Variants in SAMD3 observed in about 807,000 individuals in gnomAD.
SAMD3 encodes sterile alpha motif domain-containing protein 3.
Under a neutral mutation model 58.5 loss-of-function variants are expected in SAMD3, and 63 were observed. That is an observed-to-expected ratio of 1.08 (90% CI 0.88 to 1.33). The LOEUF (loss-of-function observed/expected upper bound fraction) is 1.33. Ranked by LOEUF, SAMD3 falls within the 40% of genes most tolerant of loss-of-function variation. The pLI is 0.00. For synonymous variants in SAMD3, 220 were observed against 210.3 expected, an observed-to-expected ratio of 1.05 and a Z score of -0.40; for missense variants, 604 against 608.4, an observed-to-expected ratio of 0.99 and a Z score of 0.08.
At chr6:130,248,954 G>A (rs2114906429) in intron 2 of SAMD3, among the ~76,000 whole-genome samples, 1 of 152,298 alleles carries the variant, frequency 6.6e-6, no homozygotes, top group Admixed American at 6.5e-5. Flanking sequence ...TATCATCTGT[G>A]TTTGTCTCAC....
At chr6:130,307,741 A>G (rs1213157939) in intron 2 of SAMD3, among the ~76,000 whole-genome samples, 1 of 152,248 alleles carries the variant, frequency 6.6e-6, no homozygotes, top group Non-Finnish European at 1.5e-5. Context: ...AGCTTTGGTT[A>G]CAAAATGTAG....
intron 4 of SAMD3, among the ~76,000 whole-genome samples, chr6:130,213,000 G>A (rs1795696260): frequency 6.6e-6 from 1 of 152,160 alleles, no homozygotes; most frequent in Non-Finnish European, 1.5e-5. Context: ...AATTGGTTAG[G>A]GGCCGGGCAA....
chr6:130,353,464 T>C (rs963330931), intron 1 of SAMD3, among the ~76,000 whole-genome samples: 2 of 152,196 alleles, frequency 1.3e-5, no homozygotes, highest in African/African-American at 2.4e-5. Flanking sequence ...AAAAATAAAA[T>C]TCTAATTTCT....
intron 2 of SAMD3, among the ~76,000 whole-genome samples, chr6:130,302,856 G>T (rs981128212): frequency 6.6e-6 from 1 of 152,166 alleles, no homozygotes; most frequent in Admixed American, 6.5e-5. Context: ...CCACTTATAA[G>T]TAAGAGCTAA....
chr6:130,227,095 C>T (rs1003518679), upstream of SAMD3, among the ~76,000 whole-genome samples: 1 of 152,162 alleles, frequency 6.6e-6, no homozygotes, highest in Non-Finnish European at 1.5e-5. Context: ...CAAAATGAAA[C>T]TCTGTACCCA....
intron 2 of SAMD3, among the ~76,000 whole-genome samples, chr6:130,273,546 C>A (rs1185963663): frequency 6.6e-6 from 1 of 151,712 alleles, no homozygotes; most frequent in Admixed American, 6.6e-5. Context: ...TTGTTTCCTG[C>A]TTTGTAGTTC....
Position 130,297,104 on chromosome 6 carries a change from G to C in SAMD3, c.-188+15874C>G, listed in dbSNP as rs887547568. Reference sequence around the variant, plus strand: ...AACTGCATCACCAAATAAAAAGCAAGCCTGCTGCCAGACAGGCTAAGTGCT... The same window carrying C: ...AACTGCATCACCAAATAAAAAGCAACCCTGCTGCCAGACAGGCTAAGTGCT... On this transcript the variant is annotated intron_variant, in intron 2 of 13. Transcript: ENST00000368134. Among the ~76,000 whole-genome samples the C allele has an allele frequency of 2.6e-5, 4 of 152,302 alleles. 1 individual carries two copies. The highest frequency in any genetic ancestry group is 2.0e-4 in the Admixed American group (3 of 15,304).
At chr6:130,175,779 T>C (rs1791667119) in intron 8 of SAMD3, 62 bp downstream of exon 8, 4 of 1,043,438 alleles carry the variant, frequency 3.8e-6, no homozygotes, top group Non-Finnish European at 5.6e-6. Flanking sequence ...CTATTATTTA[T>C]TATCCCTTAA....
intron 7 of SAMD3, among the ~76,000 whole-genome samples, chr6:130,180,877 T>C (rs538188592): frequency 1.3e-4 from 20 of 152,298 alleles, no homozygotes; most frequent in Middle Eastern, 3.4e-3. Flanking sequence ...TAGGAGTATA[T>C]GCATATCAAT....
chr6:130,258,393 G>C (rs575604080), intron 2 of SAMD3, among the ~76,000 whole-genome samples: 102 of 152,202 alleles, frequency 6.7e-4, no homozygotes, highest in Middle Eastern at 3.4e-3. Flanking sequence ...ATTATTGATA[G>C]GGATGATTTA....
At chr6:130,325,556 C>A (rs1464244867) in intron 1 of SAMD3, among the ~76,000 whole-genome samples, 2 of 151,986 alleles carry the variant, frequency 1.3e-5, no homozygotes, top group Non-Finnish European at 2.9e-5. Flanking sequence ...AACATCCTCA[C>A]AGAAAATAAG....
chr6:130,207,938 T>C (rs997643876), intron 5 of SAMD3, among the ~76,000 whole-genome samples: 3 of 152,194 alleles, frequency 2.0e-5, no homozygotes, highest in South Asian at 2.1e-4. Context: ...TCTGCACTCA[T>C]AGGGCTGCTG....
intron 5 of SAMD3, among the ~76,000 whole-genome samples, chr6:130,198,516 G>T (rs1282903366): frequency 6.6e-6 from 1 of 152,156 alleles, no homozygotes; most frequent in Non-Finnish European, 1.5e-5. Context: ...GCCTAAATTT[G>T]TGTTTTCAGA....
At chr6:130,359,786 T>C (rs1324602041) in intron 1 of SAMD3, among the ~76,000 whole-genome samples, 1 of 152,208 alleles carries the variant, frequency 6.6e-6, no homozygotes, top group Non-Finnish European at 1.5e-5. Flanking sequence ...TCTACTCACA[T>C]TTTATCACAA....
At chr6:130,301,775 A>G (rs918668382) in intron 2 of SAMD3, among the ~76,000 whole-genome samples, 7 of 152,172 alleles carry the variant, frequency 4.6e-5, no homozygotes, top group African/African-American at 1.7e-4. Flanking sequence ...GGAACAGAAT[A>G]GAAAACCCAG....
intron 9 of SAMD3, among the ~76,000 whole-genome samples, chr6:130,149,903 C>T (rs1432651018): frequency 6.6e-6 from 1 of 152,128 alleles, no homozygotes. Flanking sequence ...TTTTCACAAC[C>T]CCAGATTATG....
chr6:130,219,883 T>C (rs1055513967), intron 1 of SAMD3, among the ~76,000 whole-genome samples: 9 of 152,260 alleles, frequency 5.9e-5, no homozygotes, highest in African/African-American at 2.2e-4. Context: ...CTCCATTGGT[T>C]CTTTTTATCT....
chr6:130,248,181 T>G (rs1453839973), intron 2 of SAMD3, among the ~76,000 whole-genome samples: 6 of 40,542 alleles, frequency 1.5e-4, no homozygotes, highest in Non-Finnish European at 7.4e-5. Flanking sequence ...GTGTTTTGCG[T>G]GTGTGTGTGT....
intron 2 of SAMD3, among the ~76,000 whole-genome samples, chr6:130,304,001 T>A (rs1377762037): frequency 1.3e-5 from 2 of 152,246 alleles, no homozygotes; most frequent in African/African-American, 4.8e-5. Context: ...TTTTCTTTAA[T>A]AAATTCTAAC....
Sources: allele counts gnomAD v4.1 joint callset (sites outside exome capture counted in the v4.1 genomes callset), GRCh38; gene constraint gnomAD v4.1.1; transcripts MANE v1.5; gene names NCBI Gene and HGNC (gene_info 2026-07-23, HGNC 2026-07-21).